GRIA4: variants seen among roughly 807,000 people sequenced by gnomAD.
GRIA4 encodes glutamate receptor 4.
A neutral mutation model predicts 104.0 loss-of-function variants in GRIA4; 34 were observed. The ratio of observed to expected loss-of-function variants is 0.33; its 90% CI spans 0.25 to 0.44. The LOEUF (loss-of-function observed/expected upper bound fraction) is 0.44. GRIA4 is among the 20% of genes least tolerant of loss of function. GRIA4 has a pLI of 1.00. For missense variants in GRIA4, 750 were observed against 1,096.5 expected (o/e 0.68, Z 4.46); for synonymous variants, 386 against 381.9 (o/e 1.01, Z -0.13).
At chr11:105,929,847 T>C (rs927575227) in intron 13 of GRIA4, among the ~76,000 whole-genome samples, 11 of 152,134 alleles carry the variant, frequency 7.2e-5, no homozygotes, top group Non-Finnish European at 1.5e-4. Context: ...AGTAAAAGGA[T>C]AGCACATTCT....
At chr11:105,716,429 A>T (rs1954090931) in intron 3 of GRIA4, among the ~76,000 whole-genome samples, 1 of 152,170 alleles carries the variant, frequency 6.6e-6, no homozygotes, top group Non-Finnish European at 1.5e-5. Context: ...GAACAATTTT[A>T]AATGATAATA....
intron 3 of GRIA4, among the ~76,000 whole-genome samples, chr11:105,736,601 C>T (rs1040320530): frequency 6.6e-6 from 1 of 151,876 alleles, no homozygotes; most frequent in Non-Finnish European, 1.5e-5. Flanking sequence ...ACTTTATATA[C>T]ATAATCAGAC....
At chr11:105,912,625 T>C in intron 10 of GRIA4, 2 of 612,048 alleles carry the variant, frequency 3.3e-6, no homozygotes, top group Non-Finnish European at 4.1e-6. Flanking sequence ...GCTATCAAAA[T>C]AGTATAATAC....
chr11:105,938,331 G>A (rs73544638), intron 14 of GRIA4, among the ~76,000 whole-genome samples: 2 of 152,144 alleles, frequency 1.3e-5, no homozygotes, highest in Non-Finnish European at 2.9e-5. Context: ...TTTTGTGTGA[G>A]AATAATATTT....
chr11:105,804,997 T>A (rs933064815), intron 4 of GRIA4, among the ~76,000 whole-genome samples: 1 of 151,966 alleles, frequency 6.6e-6, no homozygotes, highest in African/African-American at 2.4e-5. Context: ...TGTATCCTCA[T>A]AAACTAAAGC....
intron 3 of GRIA4, among the ~76,000 whole-genome samples, chr11:105,675,730 G>T: frequency 6.6e-6 from 1 of 151,688 alleles, no homozygotes; most frequent in Non-Finnish European, 1.5e-5. Flanking sequence ...GGTAGGCATG[G>T]CTTACCAAGT....
chr11:105,700,650 T>C (rs1953455380), intron 3 of GRIA4, among the ~76,000 whole-genome samples: 3 of 152,326 alleles, frequency 2.0e-5, no homozygotes, highest in Admixed American at 6.5e-5. Context: ...TGGGATATTA[T>C]CTTTAACTCC....
chr11:105,818,267 C>G (rs912529965), intron 4 of GRIA4, among the ~76,000 whole-genome samples: 1 of 151,988 alleles, frequency 6.6e-6, no homozygotes, highest in Admixed American at 6.6e-5. Flanking sequence ...CCTGTGCCAC[C>G]CTCATATGCA....
chr11:105,883,640 T>A (rs927432416), intron 5 of GRIA4, among the ~76,000 whole-genome samples: 2 of 152,130 alleles, frequency 1.3e-5, no homozygotes, highest in African/African-American at 4.8e-5. Flanking sequence ...TATTCCATGG[T>A]GTATATGTGC....
intron 4 of GRIA4, among the ~76,000 whole-genome samples, chr11:105,798,969 G>GA (rs1942605766): frequency 6.6e-6 from 1 of 152,090 alleles, no homozygotes; most frequent in Non-Finnish European, 1.5e-5. Context: ...TTAGTATTAA[G>GA]ATGGTATTTA....
At chr11:105,765,133 C>T (rs915292232) in intron 4 of GRIA4, among the ~76,000 whole-genome samples, 3 of 151,968 alleles carry the variant, frequency 2.0e-5, no homozygotes, top group East Asian at 1.9e-4. Context: ...GCATTGATGC[C>T]GTATAATATC....
At position 105,876,907 on chromosome 11, in the gene GRIA4, G is replaced by A. The variant is rs578131393; in HGVS notation, c.673-10612G>A. On this transcript the variant is annotated intron_variant, in intron 5 of 16. Transcript: ENST00000282499. ...GTCTTTTAATTGGGGCATTTAGCCC[G>A]TTTACATTTAAGGTTAATATTGTTA... Among the ~76,000 whole-genome samples, 55 of 152,190 alleles carry A rather than the reference G, an allele frequency of 3.6e-4. 1 individual carries two copies. In the East Asian group the frequency reaches 4.4e-3, roughly 12 times the overall value.
intron 4 of GRIA4, among the ~76,000 whole-genome samples, chr11:105,794,512 T>TACATAC (rs1942393929): frequency 9.4e-6 from 1 of 106,906 alleles, no homozygotes; most frequent in African/African-American, 3.8e-5. Flanking sequence ...TATATATATA[T>TACATAC]ACATATACAC....
intron 4 of GRIA4, among the ~76,000 whole-genome samples, chr11:105,773,287 C>T (rs1007013457): frequency 1.3e-5 from 2 of 151,946 alleles, no homozygotes; most frequent in East Asian, 3.9e-4. Context: ...GCAATGGTTC[C>T]AACCAAGGGG....
At chr11:105,768,313 AC>A (rs746721047) in intron 4 of GRIA4, among the ~76,000 whole-genome samples, 94 of 152,256 alleles carry the variant, frequency 6.2e-4, no homozygotes, top group Admixed American at 1.4e-3. Flanking sequence ...CTAAAAAAAA[AC>A]ATCTGTGTAT....
At chr11:105,645,335 T>C (rs549298257) in intron 3 of GRIA4, among the ~76,000 whole-genome samples, 22 of 152,286 alleles carry the variant, frequency 1.4e-4, no homozygotes, top group African/African-American at 5.1e-4. Flanking sequence ...TCAACTGATT[T>C]GAAAGGAAAG....
chr11:105,727,001 G>A (rs555910815), intron 3 of GRIA4, among the ~76,000 whole-genome samples: 42 of 152,022 alleles, frequency 2.8e-4, no homozygotes, highest in African/African-American at 9.6e-4. Flanking sequence ...ACAACTCCTC[G>A]CCAGCAAGGA....
chr11:105,778,248 CTT>C (rs1190357104), intron 4 of GRIA4, among the ~76,000 whole-genome samples: 1 of 152,150 alleles, frequency 6.6e-6, no homozygotes, highest in Non-Finnish European at 1.5e-5. Flanking sequence ...GTCCTTCTAG[CTT>C]TTGTGACCTA....
chr11:105,899,702 C>T (rs1946788994), intron 7 of GRIA4, among the ~76,000 whole-genome samples: 1 of 152,120 alleles, frequency 6.6e-6, no homozygotes, highest in Admixed American at 6.5e-5. Flanking sequence ...TTAAGTTCTG[C>T]TAGCCTCTGG....
Sources: gnomAD v4.1 joint callset for allele counts (sites outside exome capture counted in the v4.1 genomes callset) on GRCh38, gnomAD v4.1.1 for gene constraint, MANE v1.5 for transcripts, NCBI Gene and HGNC (gene_info 2026-07-23, HGNC 2026-07-21) for gene names.